The following ADAM22 variants were observed in gnomAD, a reference collection of about 807,000 sequenced individuals.
The protein encoded by ADAM22 is disintegrin and metalloproteinase domain-containing protein 22.
A neutral mutation model predicts 144.6 loss-of-function variants in ADAM22; 65 were observed. That is an observed-to-expected ratio of 0.45 (90% CI 0.37 to 0.55). The LOEUF (loss-of-function observed/expected upper bound fraction) is 0.55, where lower values mean the gene tolerates loss of function less well. ADAM22 is among the 20% of genes least tolerant of loss of function. The probability of loss-of-function intolerance (pLI) is 0.00; values close to 1 mark genes in which losing one functional copy is unlikely to be tolerated. For missense variants in ADAM22, 974 were observed against 1,184.9 expected (o/e 0.82, Z 2.61); for synonymous variants, 391 against 412.6 (o/e 0.95, Z 0.63).
Position 87,982,050 on chromosome 7 carries a change from T to C in ADAM22, c.323+3638T>C, listed in dbSNP as rs1398349636. Among the ~76,000 whole-genome samples, 166 of 34,772 alleles carry C rather than the reference T, an allele frequency of 4.8e-3. 2 individuals carry two copies. The highest frequency in any genetic ancestry group is 0.032 in the East Asian group (68 of 2,098). 22.8% of individuals were successfully genotyped at this position (34,772 alleles called of 152,430 possible). On this transcript the variant is annotated intron_variant, in intron 3 of 31. Transcript: ENST00000413139. Reference sequence around the variant, plus strand: ...GGAATCCTTATGTTTATTTCATATATATATATATATATATATATACACACA... The same window carrying C: ...GGAATCCTTATGTTTATTTCATATACATATATATATATATATATACACACA...
At chr7:88,090,697 A>G (rs566224573) in intron 4 of ADAM22, among the ~76,000 whole-genome samples, 1 of 152,292 alleles carries the variant, frequency 6.6e-6, no homozygotes, top group Admixed American at 6.5e-5. Flanking sequence ...TAAGAGCTCA[A>G]CTTTCTAAAA....
In ADAM22 at chr7:88,199,013, T is replaced by C. The variant is rs1004606887; in HGVS notation, c.*2522T>C. ...TTCTTAGAGCCATTTGTGGGATTCA[T>C]TGACAAATTTATAGTCTCAAGGGAG... is the stretch of plus-strand genomic sequence containing the variant. On this transcript the variant is annotated 3_prime_UTR_variant, in exon 32 of 32. Transcript: ENST00000413139. 1 of 152,246 alleles carries C rather than the reference T, an allele frequency of 6.6e-6. No homozygotes were observed. Among genetic ancestry groups the C allele is most frequent in the Non-Finnish European group, 1.5e-5 (1 of 68,042 alleles). The allele number at this position is 152,246 out of a possible 1,614,324, so 9.4% of individuals were successfully genotyped here. A position where few individuals can be genotyped will look rare whatever the true frequency, so the allele number is the denominator to read the frequency against.
chr7:88,038,054 T>G (rs753049617), intron 3 of ADAM22, among the ~76,000 whole-genome samples: 3 of 152,220 alleles, frequency 2.0e-5, no homozygotes, highest in Non-Finnish European at 4.4e-5. Flanking sequence ...TACTTGATTG[T>G]AAGTGTTGGG....
At chr7:88,109,107 AAG>A (rs1394847512) in intron 5 of ADAM22, among the ~76,000 whole-genome samples, 9 of 152,262 alleles carry the variant, frequency 5.9e-5, no homozygotes, top group Non-Finnish European at 1.3e-4. Context: ...TCCTTACACA[AAG>A]AGAAAAGGCT....
chr7:88,105,726 G>A (rs1824195164), intron 4 of ADAM22, among the ~76,000 whole-genome samples: 2 of 152,082 alleles, frequency 1.3e-5, no homozygotes, highest in South Asian at 2.1e-4. Flanking sequence ...ATCCCTACTT[G>A]GCAACTCCCC....
intron 23 of ADAM22, among the ~76,000 whole-genome samples, chr7:88,163,395 A>G (rs530496982): frequency 2.6e-5 from 4 of 152,200 alleles, no homozygotes; most frequent in Non-Finnish European, 2.9e-5. Context: ...TTCTAACCAA[A>G]TTCTCCCATC....
chr7:87,977,916 G>A (rs1852278299), intron 2 of ADAM22, among the ~76,000 whole-genome samples: 1 of 152,044 alleles, frequency 6.6e-6, no homozygotes, highest in Non-Finnish European at 1.5e-5. Flanking sequence ...TTTTTTGGAG[G>A]TTTAGATATC....
chr7:88,010,737 A>G (rs1795162966), intron 3 of ADAM22, among the ~76,000 whole-genome samples: 1 of 152,160 alleles, frequency 6.6e-6, no homozygotes, highest in Non-Finnish European at 1.5e-5. Context: ...TTGGAATAGA[A>G]GAGCAGGTCC....
chr7:88,032,318 C>T (rs1178933359), intron 3 of ADAM22, among the ~76,000 whole-genome samples: 1 of 152,190 alleles, frequency 6.6e-6, no homozygotes, highest in Non-Finnish European at 1.5e-5. Context: ...TCAGTGTGGC[C>T]TGGATATGAA....
chr7:88,181,803 T>G (rs1416470291), intron 28 of ADAM22, among the ~76,000 whole-genome samples, 155 bp from the exon 29 acceptor site: 1 of 152,172 alleles, frequency 6.6e-6, no homozygotes, highest in Non-Finnish European at 1.5e-5. Context: ...CTAGACACTT[T>G]GTGAAATTTA....
In ADAM22 at chr7:88,123,056, G is replaced by T. The variant is rs1291644546; in HGVS notation, c.608-2533G>T. Among the ~76,000 whole-genome samples the T allele has an allele frequency of 3.3e-5, 5 of 152,230 alleles. No individual in the cohort carries two copies. The East Asian group carries it at 5.8e-4, about 18-fold the overall frequency. On this transcript the variant is annotated intron_variant, in intron 7 of 31. Coordinates refer to ENST00000413139, the MANE Select transcript of ADAM22 (RefSeq NM_001324418.2). ...TAATTTTCTCCTTTAATCTGTTAAT[G>T]TGATGAATTGTATAAATTGATGTTT...
chr7:87,969,881 T>A (rs1850011515), intron 2 of ADAM22, among the ~76,000 whole-genome samples: 1 of 152,310 alleles, frequency 6.6e-6, no homozygotes, highest in Non-Finnish European at 1.5e-5. Flanking sequence ...CAATATATAA[T>A]CAGCTTATGA....
intron 14 of ADAM22, among the ~76,000 whole-genome samples, chr7:88,142,435 G>A (rs1397186792): frequency 2.6e-5 from 4 of 152,136 alleles, no homozygotes; most frequent in Non-Finnish European, 5.9e-5. Flanking sequence ...ATTTAGGGAA[G>A]ACTCATTATA....
intron 2 of ADAM22, among the ~76,000 whole-genome samples, chr7:87,962,147 A>G (rs894330861): frequency 5.9e-5 from 9 of 152,234 alleles, no homozygotes; most frequent in Admixed American, 2.0e-4. Context: ...TGAGAGTTAC[A>G]CTCTATAAAA....
At chr7:87,960,000 G>A (rs556746454) in intron 2 of ADAM22, among the ~76,000 whole-genome samples, 2 of 152,218 alleles carry the variant, frequency 1.3e-5, no homozygotes, top group Non-Finnish European at 2.9e-5. Flanking sequence ...TGGTACCATT[G>A]TAGAGTAGTT....
chr7:88,155,590 A>T (rs533436584), intron 21 of ADAM22, among the ~76,000 whole-genome samples: 32 of 152,194 alleles, frequency 2.1e-4, no homozygotes, highest in African/African-American at 7.7e-4. Context: ...TGTTATGGGA[A>T]AAGAGATTTC....
At chr7:88,069,440 A>G (rs930601093) in intron 3 of ADAM22, among the ~76,000 whole-genome samples, 6 of 152,160 alleles carry the variant, frequency 3.9e-5, no homozygotes, top group African/African-American at 1.2e-4. Context: ...AAGACACACA[A>G]TATCACTTCT....
intron 2 of ADAM22, among the ~76,000 whole-genome samples, chr7:87,975,067 G>A (rs1851582691): frequency 6.6e-6 from 1 of 152,144 alleles, no homozygotes; most frequent in South Asian, 2.1e-4. Flanking sequence ...GAGGTAACAT[G>A]TTCGTAGGTT....
At chr7:88,162,592 C>A (rs1376248062) in intron 22 of ADAM22, among the ~76,000 whole-genome samples, 2 of 152,002 alleles carry the variant, frequency 1.3e-5, no homozygotes, top group African/African-American at 4.8e-5. Flanking sequence ...AAAAACATTT[C>A]TAAATAATAT....
Sources: allele counts gnomAD v4.1 joint callset (sites outside exome capture counted in the v4.1 genomes callset), GRCh38; gene constraint gnomAD v4.1.1; transcripts MANE v1.5; gene names NCBI Gene and HGNC (gene_info 2026-07-23, HGNC 2026-07-21).